Variants in NRG3 observed in about 807,000 individuals in gnomAD.
The protein encoded by NRG3 is neuregulin 3.
A neutral mutation model predicts 66.9 loss-of-function variants in NRG3; 31 were observed. The observed-to-expected ratio is 0.46, with a 90% CI of 0.35 to 0.63. The LOEUF (loss-of-function observed/expected upper bound fraction) is 0.63, where lower values mean the gene tolerates loss of function less well. NRG3 is among the 20% of genes least tolerant of loss of function. NRG3 has a pLI of 0.00. For missense variants in NRG3, 910 were observed against 878.9 expected (o/e 1.04, Z -0.45); for synonymous variants, 393 against 359.4 (o/e 1.09, Z -1.06).
intron 1 of NRG3, among the ~76,000 whole-genome samples, chr10:82,261,993 T>C (rs1406777660): frequency 6.6e-6 from 1 of 152,136 alleles, no homozygotes; most frequent in Non-Finnish European, 1.5e-5. Flanking sequence ...ACTCCTGCTC[T>C]CACCATGTGA....
chr10:82,534,419 T>C (rs577541878), intron 2 of NRG3, among the ~76,000 whole-genome samples: 1 of 152,098 alleles, frequency 6.6e-6, no homozygotes, highest in African/African-American at 2.4e-5. Context: ...CACATGCCAC[T>C]ACACCTGGCT....
At chr10:82,144,593 G>C (rs1170425989) in intron 1 of NRG3, among the ~76,000 whole-genome samples, 3 of 152,200 alleles carry the variant, frequency 2.0e-5, no homozygotes, top group Non-Finnish European at 4.4e-5. Flanking sequence ...TAAAATTCCA[G>C]AGAAACAAGT....
intron 4 of NRG3, among the ~76,000 whole-genome samples, chr10:82,915,780 T>C (rs1008064258): frequency 3.9e-5 from 6 of 152,176 alleles, no homozygotes; most frequent in Non-Finnish European, 7.3e-5. Flanking sequence ...ACCTAAATGA[T>C]ACTCACTAAA....
intron 1 of NRG3, among the ~76,000 whole-genome samples, chr10:81,960,520 A>G (rs1205472612): frequency 6.6e-6 from 1 of 152,068 alleles, no homozygotes; most frequent in Non-Finnish European, 1.5e-5. Context: ...CTGAAAGTCA[A>G]AAGAATGAAA....
At chr10:82,432,534 G>A (rs1312787968) in intron 2 of NRG3, among the ~76,000 whole-genome samples, 3 of 147,122 alleles carry the variant, frequency 2.0e-5, no homozygotes, top group Admixed American at 6.8e-5. Flanking sequence ...TGTGCAGATC[G>A]TGCAGGTTTG....
intron 1 of NRG3, among the ~76,000 whole-genome samples, chr10:81,896,341 ACTCT>A (rs1313300760): frequency 6.6e-6 from 1 of 150,956 alleles, no homozygotes; most frequent in Non-Finnish European, 1.5e-5. Flanking sequence ...AGAGTGAAGA[ACTCT>A]CTCTCTCACT....
chr10:82,576,758 G>A (rs1419874019), intron 2 of NRG3, among the ~76,000 whole-genome samples: 1 of 151,588 alleles, frequency 6.6e-6, no homozygotes, highest in Admixed American at 6.6e-5. Flanking sequence ...ATTTCCTGAG[G>A]ATTTTATCTT....
chr10:82,024,234 T>G (rs1262764207), intron 1 of NRG3, among the ~76,000 whole-genome samples: 2 of 151,984 alleles, frequency 1.3e-5, no homozygotes, highest in African/African-American at 4.8e-5. Flanking sequence ...AATTGAGTCT[T>G]GTTTTCTTAA....
chr10:82,066,522 C>T (rs745842779), intron 1 of NRG3, among the ~76,000 whole-genome samples: 2 of 152,104 alleles, frequency 1.3e-5, no homozygotes, highest in Non-Finnish European at 2.9e-5. Context: ...ATTTTGGTAT[C>T]CTATTTGGGG....
intron 3 of NRG3, among the ~76,000 whole-genome samples, chr10:82,784,105 G>A (rs568409549): frequency 4.6e-5 from 7 of 152,142 alleles, no homozygotes; most frequent in African/African-American, 1.7e-4. Context: ...CAAGCAATGG[G>A]GAAAGGATTC....
intron 4 of NRG3, among the ~76,000 whole-genome samples, chr10:82,904,781 C>T (rs569423842): frequency 1.3e-5 from 2 of 152,128 alleles, no homozygotes; most frequent in Non-Finnish European, 2.9e-5. Context: ...CAGAGGGTTT[C>T]AATGGTGATA....
chr10:82,463,539 T>C (rs1480636877), intron 2 of NRG3, among the ~76,000 whole-genome samples: 2 of 152,246 alleles, frequency 1.3e-5, no homozygotes, highest in Non-Finnish European at 2.9e-5. Flanking sequence ...CATGTTAGTA[T>C]TGTTAATTAA....
chr10:81,970,763 A>G (rs185114887), intron 1 of NRG3, among the ~76,000 whole-genome samples: 54 of 152,242 alleles, frequency 3.5e-4, no homozygotes, highest in Non-Finnish European at 7.2e-4. Flanking sequence ...CAATCCTTCT[A>G]TCCAGGGGAG....
chr10:82,790,053 T>C (rs768138553), intron 3 of NRG3, among the ~76,000 whole-genome samples: 4 of 152,130 alleles, frequency 2.6e-5, no homozygotes, highest in Non-Finnish European at 5.9e-5. Context: ...TATGACTTTA[T>C]GCATCATAAT....
At chr10:82,128,025 A>G (rs185380580) in intron 1 of NRG3, among the ~76,000 whole-genome samples, 13 of 152,190 alleles carry the variant, frequency 8.5e-5, no homozygotes, top group East Asian at 7.7e-4. Context: ...ATTGAAGCCC[A>G]TAAATAGAAA....
intron 2 of NRG3, among the ~76,000 whole-genome samples, chr10:82,526,527 G>T (rs886184234): frequency 1.2e-4 from 18 of 151,246 alleles, no homozygotes; most frequent in Non-Finnish European, 2.2e-4. Flanking sequence ...GATAATGAAA[G>T]AATAAAAATG....
At chr10:82,687,307 G>A (rs1175263887) in intron 2 of NRG3, among the ~76,000 whole-genome samples, 1 of 152,000 alleles carries the variant, frequency 6.6e-6, no homozygotes. Flanking sequence ...AGTTCATACG[G>A]CTGCTCCTAG....
chr10:82,536,279 GGATA>G (rs1443027302), intron 2 of NRG3, among the ~76,000 whole-genome samples: 1 of 152,052 alleles, frequency 6.6e-6, no homozygotes, highest in Non-Finnish European at 1.5e-5. Context: ...GGCTACCTCA[GGATA>G]GACAGGGGAC....
At chr10:82,952,861 A>G (rs753429403) in intron 5 of NRG3, among the ~76,000 whole-genome samples, 3 of 151,922 alleles carry the variant, frequency 2.0e-5, no homozygotes, top group Non-Finnish European at 4.4e-5. Context: ...ATTAGTAACT[A>G]TTATCTTCCT....
Sources: gnomAD v4.1 joint callset for allele counts (sites outside exome capture counted in the v4.1 genomes callset) on GRCh38, gnomAD v4.1.1 for gene constraint, MANE v1.5 for transcripts, NCBI Gene and HGNC (gene_info 2026-07-23, HGNC 2026-07-21) for gene names.